The following SHC3 variants were observed in gnomAD, a reference collection of about 807,000 sequenced individuals.
The protein encoded by SHC3 is SHC-transforming protein 3.
In SHC3, 15 loss-of-function variants were observed where a neutral mutation model predicts 60.4. The observed-to-expected ratio is 0.25, with a 90% CI of 0.17 to 0.38. The LOEUF is 0.38. SHC3 is among the 10% of genes least tolerant of loss of function. SHC3 has a pLI of 1.00. For synonymous variants in SHC3, 294 were observed against 325.9 expected (o/e 0.90, Z 1.05); for missense variants, 677 against 786.1 (o/e 0.86, Z 1.66).
chr9:89,086,083 C>T (rs1259060401), intron 2 of SHC3, among the ~76,000 whole-genome samples: 3 of 152,160 alleles, frequency 2.0e-5, no homozygotes, highest in Non-Finnish European at 4.4e-5. Context: ...GCAAGTTAAC[C>T]ATTAATGTTA....
At chr9:89,131,293 G>A (rs1826241178) in intron 1 of SHC3, among the ~76,000 whole-genome samples, 1 of 152,114 alleles carries the variant, frequency 6.6e-6, no homozygotes, top group Admixed American at 6.5e-5. Context: ...AAAAGTCCAA[G>A]ACCAGATGGA....
intron 2 of SHC3, chr9:89,109,817 C>T: frequency 4.1e-6 from 4 of 985,482 alleles, no homozygotes; most frequent in South Asian, 9.4e-5. Flanking sequence ...ATGCTTAACA[C>T]TCATACCAAG....
At chr9:89,166,931 T>G (rs987316711) in intron 1 of SHC3, among the ~76,000 whole-genome samples, 1 of 152,202 alleles carries the variant, frequency 6.6e-6, no homozygotes, top group African/African-American at 2.4e-5. Flanking sequence ...TGAGGTTGAA[T>G]CCACTGTACT....
At position 89,095,067 on chromosome 9, in the gene SHC3, A is replaced by C. The variant is rs115381932; in HGVS notation, c.546-17164T>G. Among the ~76,000 whole-genome samples, 937 of 152,312 alleles carry C rather than the reference A, an allele frequency of 6.2e-3. 9 individuals carry two copies. The highest frequency in any genetic ancestry group is 0.021 in the African/African-American group (880 of 41,546). ...GTGGAAAACGGCATGGCGGTTCCTC[A>C]AAACATTAAACATATAATCGCCATA... On this transcript the variant is annotated intron_variant, in intron 2 of 11. Coordinates refer to ENST00000375835, the MANE Select transcript of SHC3 (RefSeq NM_016848.6).
Position 89,038,218 on chromosome 9 carries a change from G to A in SHC3, c.1431C>T (p.Cys477=), listed in dbSNP as rs1187314905. 1 of 1,613,920 alleles carries A rather than the reference G, an allele frequency of 6.2e-7. No individual in the cohort carries two copies. The highest frequency in any genetic ancestry group is 8.5e-7 in the Non-Finnish European group (1 of 1,180,034). Residue 477 remains cysteine (C), a synonymous_variant, in exon 11 of 12, where the codon TGC becomes TGT. Transcript: ENST00000375835. ...PVLSKAASVE[C]ISPVSPRAPD... The stretch of plus-strand genomic sequence containing the variant: ...GGGCTCTAGGTGACACAGGGCTGAT[G>A]CACTCCACGGAGGCTGCCTTGCTTA...
At chr9:89,139,978 A>T (rs1394673459) in intron 1 of SHC3, among the ~76,000 whole-genome samples, 1 of 152,234 alleles carries the variant, frequency 6.6e-6, no homozygotes, top group Non-Finnish European at 1.5e-5. Context: ...ATCTGACCTG[A>T]GTAATTTAGA....
chr9:89,089,084 T>G (rs1325076788), intron 2 of SHC3: 2 of 152,230 alleles, frequency 1.3e-5, no homozygotes, highest in Non-Finnish European at 2.9e-5. Context: ...TGTGGCAGAA[T>G]CTGCCTTCGA....
At chr9:89,120,938 T>A (rs1826084046) in intron 1 of SHC3, among the ~76,000 whole-genome samples, 1 of 151,822 alleles carries the variant, frequency 6.6e-6, no homozygotes, top group African/African-American at 2.4e-5. Context: ...AGAAATTTAT[T>A]TACATTTTAA....
intron 2 of SHC3, chr9:89,088,615 T>C (rs1825569568): frequency 6.6e-6 from 1 of 152,176 alleles, no homozygotes; most frequent in African/African-American, 2.4e-5. Flanking sequence ...CTGTTGTTTT[T>C]AAAAACATCT....
rs371185571 is a variant in SHC3 at position 89,037,985 on chromosome 9, G to C, written c.1656+8C>G. The C allele has an allele frequency of 1.1e-4, 181 of 1,604,322 alleles. 2 individuals are homozygous for C. The Middle Eastern group carries it at 1.5e-3, about 13-fold the overall frequency. The stretch of plus-strand genomic sequence containing the variant: ...GCAGGTCCGGCCCCACCCCCACTGG[G>C]TGCTCACCGTGCCTTCTGGGTCCAC... On this transcript the variant is annotated splice_region_variant and intron_variant, in intron 11 of 11. Coordinates refer to ENST00000375835, the MANE Select transcript of SHC3 (RefSeq NM_016848.6).
intron 1 of SHC3, among the ~76,000 whole-genome samples, chr9:89,140,917 A>G (rs1826384328): frequency 6.6e-6 from 1 of 152,224 alleles, no homozygotes; most frequent in Non-Finnish European, 1.5e-5. Flanking sequence ...GGGGAAAAAG[A>G]TAAAGCCCTT....
At chr9:89,121,138 C>T (rs1826086794) in intron 1 of SHC3, among the ~76,000 whole-genome samples, 1 of 152,120 alleles carries the variant, frequency 6.6e-6, no homozygotes, top group South Asian at 2.1e-4. Flanking sequence ...TATATGACTG[C>T]TGTCATATGA....
At chr9:89,054,816 A>T (rs1824922046) in intron 6 of SHC3, among the ~76,000 whole-genome samples, 1 of 152,150 alleles carries the variant, frequency 6.6e-6, no homozygotes. Context: ...CACTGGGGAA[A>T]CTCGTACCAA....
At chr9:89,073,411 C>T (rs1315964422) in intron 4 of SHC3, among the ~76,000 whole-genome samples, 2 of 152,200 alleles carry the variant, frequency 1.3e-5, no homozygotes, top group African/African-American at 2.4e-5. Context: ...ACTAGGAACT[C>T]TGTAGAGGGG....
At chr9:89,154,842 T>C (rs1372463497) in intron 1 of SHC3, among the ~76,000 whole-genome samples, 1 of 152,162 alleles carries the variant, frequency 6.6e-6, no homozygotes, top group Non-Finnish European at 1.5e-5. Context: ...AGCAATGCAA[T>C]AGACCACATC....
chr9:89,113,775 A>T (rs1825984123), intron 1 of SHC3, among the ~76,000 whole-genome samples: 1 of 152,232 alleles, frequency 6.6e-6, no homozygotes, highest in African/African-American at 2.4e-5. Flanking sequence ...GAATACCTCA[A>T]CCACTGTGGC....
At chr9:89,139,655 A>G (rs1826364821) in intron 1 of SHC3, among the ~76,000 whole-genome samples, 1 of 152,206 alleles carries the variant, frequency 6.6e-6, no homozygotes, top group African/African-American at 2.4e-5. Flanking sequence ...GGAATTCTGT[A>G]CAGAGACTGC....
At chr9:89,118,509 G>A (rs1042952279) in intron 1 of SHC3, among the ~76,000 whole-genome samples, 1 of 151,942 alleles carries the variant, frequency 6.6e-6, no homozygotes, top group African/African-American at 2.4e-5. Flanking sequence ...AGACAGGGTT[G>A]GTCACATTTT....
intron 1 of SHC3, among the ~76,000 whole-genome samples, chr9:89,167,769 G>T (rs1399319421): frequency 6.6e-6 from 1 of 152,192 alleles, no homozygotes; most frequent in African/African-American, 2.4e-5. Context: ...TTATTATTAT[G>T]CTATTATTGT....
Sources: allele counts gnomAD v4.1 joint callset (sites outside exome capture counted in the v4.1 genomes callset), GRCh38; gene constraint gnomAD v4.1.1; transcripts MANE v1.5; gene names NCBI Gene and HGNC (gene_info 2026-07-23, HGNC 2026-07-21).